Variants in TRDN observed in about 807,000 individuals in gnomAD.
The protein encoded by TRDN is triadin, also known as triadin in skeletal muscle.
Under a neutral mutation model 149.7 loss-of-function variants are expected in TRDN, and 161 were observed. The observed-to-expected ratio is 1.08, with a 90% CI of 0.95 to 1.23. TRDN has a LOEUF of 1.23. Ranked by LOEUF, TRDN falls within the 50% of genes most tolerant of loss-of-function variation. The pLI is 0.00. For synonymous variants in TRDN, 294 were observed against 250.5 expected (o/e 1.17, Z -1.64); for missense variants, 896 against 823.5 (o/e 1.09, Z -1.08).
chr6:123,628,036 C>T (rs1785769832), intron 1 of TRDN, among the ~76,000 whole-genome samples: 1 of 152,188 alleles, frequency 6.6e-6, no homozygotes, highest in African/African-American at 2.4e-5. Flanking sequence ...TTCTCCACAT[C>T]AGCAATAAGT....
At chr6:123,467,073 T>C (rs1371109817) in intron 9 of TRDN, among the ~76,000 whole-genome samples, 2 of 152,112 alleles carry the variant, frequency 1.3e-5, no homozygotes, top group South Asian at 2.1e-4. Context: ...GCATACTTAT[T>C]ATATACCAGC....
At chr6:123,583,322 A>C (rs1308900169) in intron 1 of TRDN, among the ~76,000 whole-genome samples, 1 of 151,964 alleles carries the variant, frequency 6.6e-6, no homozygotes, top group Admixed American at 6.6e-5. Context: ...GGCACAGTCT[A>C]AGTTCTGGTG....
intron 10 of TRDN, chr6:123,457,562 CCT>C (rs1491574250): frequency 3.0e-4 from 131 of 435,250 alleles, no homozygotes; most frequent in Admixed American, 1.2e-3. Flanking sequence ...TTTTCATTTT[CCT>C]TTTTTTTTCT....
intron 10 of TRDN, among the ~76,000 whole-genome samples, chr6:123,461,593 G>T (rs78265687): frequency 0.012 from 1,878 of 152,262 alleles, 43 homozygotes; most frequent in African/African-American, 0.042. Context: ...GATTAAAGAT[G>T]AATGGAATCA....
In TRDN at chr6:123,605,000, G is replaced by A. The variant is rs530265585; in HGVS notation, c.22+31754C>T. 2.0e-5 allele frequency among the ~76,000 whole-genome samples: 3 copies of A among 151,882 alleles called. No homozygotes were observed. The East Asian group carries it at 5.8e-4, about 30-fold the overall frequency. On this transcript the variant is annotated intron_variant, in intron 1 of 40. Transcript: ENST00000334268. The stretch of plus-strand genomic sequence containing the variant: ...TATTATTGACAAATATGCCAAACAC[G>A]TAAACACTCACACATATCTCATTGT...
At chr6:123,435,069 A>C (rs535223327) in intron 12 of TRDN, among the ~76,000 whole-genome samples, 40 of 151,226 alleles carry the variant, frequency 2.6e-4, no homozygotes, top group African/African-American at 8.5e-4. Context: ...ATAATACAAT[A>C]TAAGGGAATA....
intron 24 of TRDN, among the ~76,000 whole-genome samples, chr6:123,292,247 G>T (rs538982960): frequency 6.6e-6 from 1 of 152,276 alleles, no homozygotes; most frequent in Admixed American, 6.5e-5. Context: ...CCCTCAGTGG[G>T]ACCCCCATGG....
chr6:123,613,158 A>G (rs552669809), intron 1 of TRDN, among the ~76,000 whole-genome samples: 1 of 152,308 alleles, frequency 6.6e-6, no homozygotes, highest in African/African-American at 2.4e-5. Context: ...TTATGCATTG[A>G]ACAAATCTGA....
intron 24 of TRDN, among the ~76,000 whole-genome samples, chr6:123,307,161 T>A (rs988858773): frequency 6.6e-6 from 1 of 152,044 alleles, no homozygotes; most frequent in African/African-American, 2.4e-5. Context: ...TTGGTCACCT[T>A]TATAGGAGAG....
chr6:123,432,950 T>C (rs1371561607), intron 12 of TRDN, among the ~76,000 whole-genome samples: 2 of 151,860 alleles, frequency 1.3e-5, no homozygotes, highest in African/African-American at 2.4e-5. Context: ...ATTCCCTTTT[T>C]CTTTTGACAC....
chr6:123,356,953 A>T (rs2114319732), intron 20 of TRDN, among the ~76,000 whole-genome samples: 1 of 151,516 alleles, frequency 6.6e-6, no homozygotes, highest in African/African-American at 2.4e-5. Flanking sequence ...CTGTTGTACT[A>T]CTTGATTTCT....
intron 7 of TRDN, chr6:123,509,826 A>G (rs907941870): frequency 6.6e-6 from 1 of 152,120 alleles, no homozygotes; most frequent in African/African-American, 2.4e-5. Flanking sequence ...AAAAAAAAAG[A>G]TGCTTGAAGA....
Position 123,224,094 on chromosome 6 carries a change from T to G in TRDN, c.2013A>C (p.Lys671Asn), listed in dbSNP as rs1205681786. 4 of 1,609,982 alleles carry G rather than the reference T, an allele frequency of 2.5e-6. No homozygotes were observed. The highest frequency in any genetic ancestry group is 3.4e-6 in the Non-Finnish European group (4 of 1,177,806). The change falls in exon 39 of 41, where the codon AAA becomes AAC. Residue 671 changes from lysine to asparagine, a missense_variant and splice_region_variant. Transcript: ENST00000334268. ...VEDVPASKKA[K>N]EGTEDVSPTK... ...ATGATCCAAAGACAGCAAACTCACCTTTAGCTTTCTTTGAAGCTGGTACAT... is the reference window on the plus strand; with the variant it reads ...ATGATCCAAAGACAGCAAACTCACCGTTAGCTTTCTTTGAAGCTGGTACAT...
At chr6:123,440,614 C>T (rs1008594588) in intron 10 of TRDN, among the ~76,000 whole-genome samples, 4 of 152,112 alleles carry the variant, frequency 2.6e-5, no homozygotes, top group African/African-American at 9.7e-5. Context: ...GTAAATATTT[C>T]TAAGCTCAAG....
intron 21 of TRDN, among the ~76,000 whole-genome samples, chr6:123,339,420 A>T (rs937797068): frequency 6.6e-6 from 1 of 152,208 alleles, no homozygotes; most frequent in African/African-American, 2.4e-5. Context: ...AAATGTAAAA[A>T]GGAGAGGTCT....
intron 23 of TRDN, among the ~76,000 whole-genome samples, chr6:123,320,566 T>C (rs952728004): frequency 2.7e-5 from 4 of 147,220 alleles, no homozygotes; most frequent in African/African-American, 7.7e-5. Context: ...TATGTTTAAA[T>C]ATATACTCCC....
chr6:123,610,577 C>A (rs527972248), intron 1 of TRDN, among the ~76,000 whole-genome samples: 1 of 152,068 alleles, frequency 6.6e-6, no homozygotes, highest in South Asian at 2.1e-4. Context: ...ATTAAATAAT[C>A]ATATAAATGA....
At chr6:123,607,274 G>A (rs748694187) in intron 1 of TRDN, among the ~76,000 whole-genome samples, 27 of 152,096 alleles carry the variant, frequency 1.8e-4, no homozygotes, top group African/African-American at 4.3e-4. Flanking sequence ...AATATGCTTC[G>A]TAGACTAAAC....
At chr6:123,546,122 C>T (rs1781098403) in intron 4 of TRDN, among the ~76,000 whole-genome samples, 1 of 152,072 alleles carries the variant, frequency 6.6e-6, no homozygotes, top group African/African-American at 2.4e-5. Context: ...GGGAAATCAG[C>T]TATAAATCTC....
Sources: gnomAD v4.1 joint callset for allele counts (sites outside exome capture counted in the v4.1 genomes callset) on GRCh38, gnomAD v4.1.1 for gene constraint, MANE v1.5 for transcripts, NCBI Gene and HGNC (gene_info 2026-07-23, HGNC 2026-07-21) for gene names.